CADPS: variants seen among roughly 807,000 people sequenced by gnomAD.
CADPS encodes calcium dependent secretion activator.
In CADPS, 57 loss-of-function variants were observed where a neutral mutation model predicts 167.3. The observed-to-expected ratio is 0.34, with a 90% CI of 0.28 to 0.42. CADPS has a LOEUF of 0.42. Ranked by LOEUF, CADPS falls within the 20% of genes least tolerant of loss-of-function variation. The pLI is 1.00. For missense variants in CADPS, 1,414 were observed against 1,738.1 expected, an observed-to-expected ratio of 0.81 and a Z score of 3.32; for synonymous variants, 676 against 635.3, an observed-to-expected ratio of 1.06 and a Z score of -0.96.
intron 1 of CADPS, among the ~76,000 whole-genome samples, chr3:62,824,379 A>G (rs1014745055): frequency 6.6e-6 from 1 of 152,174 alleles, no homozygotes; most frequent in African/African-American, 2.4e-5. Flanking sequence ...TCTGGAAGTC[A>G]TGTTTTAGGC....
chr3:62,705,010 C>T (rs1165510972), intron 3 of CADPS, among the ~76,000 whole-genome samples: 1 of 152,106 alleles, frequency 6.6e-6, no homozygotes, highest in African/African-American at 2.4e-5. Flanking sequence ...GCCCACCATA[C>T]CTGCACCTTG....
intron 1 of CADPS, among the ~76,000 whole-genome samples, chr3:62,775,924 G>A (rs1319483865): frequency 6.6e-6 from 1 of 152,018 alleles, no homozygotes; most frequent in Non-Finnish European, 1.5e-5. Flanking sequence ...GAAGTACATG[G>A]CCATGACAGA....
intron 1 of CADPS, among the ~76,000 whole-genome samples, chr3:62,824,249 T>A (rs1383441048): frequency 6.6e-6 from 1 of 152,000 alleles, no homozygotes; most frequent in Non-Finnish European, 1.5e-5. Context: ...GCCCAGATAT[T>A]TGATAGAAAA....
In CADPS at chr3:62,566,248, C is replaced by G. The variant is rs555415867; in HGVS notation, c.1644+4624G>C. ...TCTTCTCCCTTCCCCAGAACTCTCA[C>G]GCTTCTGCAAATTGAACCAGGGTGG... On this transcript the variant is annotated intron_variant, in intron 9 of 29. Transcript: ENST00000383710. Among the ~76,000 whole-genome samples the G allele has an allele frequency of 5.1e-4, 77 of 152,332 alleles. 3 individuals carry two copies. In the South Asian group the frequency reaches 0.014, roughly 28 times the overall value.
At chr3:62,587,519 A>G (rs929598396) in intron 7 of CADPS, among the ~76,000 whole-genome samples, 6 of 152,276 alleles carry the variant, frequency 3.9e-5, no homozygotes, top group South Asian at 2.1e-4. Flanking sequence ...GGGAAGCCAG[A>G]AAGGGAGGTG....
At chr3:62,738,749 T>A (rs1360714024) in intron 3 of CADPS, among the ~76,000 whole-genome samples, 2 of 151,996 alleles carry the variant, frequency 1.3e-5, no homozygotes, top group Non-Finnish European at 2.9e-5. Context: ...AAAATAAAAT[T>A]TTAAAAAATG....
At chr3:62,853,031 C>A (rs897439646) in intron 1 of CADPS, among the ~76,000 whole-genome samples, 1 of 152,166 alleles carries the variant, frequency 6.6e-6, no homozygotes. Flanking sequence ...TGAGCTACAG[C>A]CCCTAGAAAG....
intron 3 of CADPS, among the ~76,000 whole-genome samples, chr3:62,746,858 G>C (rs550715097): frequency 6.6e-6 from 1 of 152,094 alleles, no homozygotes; most frequent in Admixed American, 6.5e-5. Context: ...CTTAACAGAC[G>C]ACCTGGCTAA....
intron 1 of CADPS, among the ~76,000 whole-genome samples, chr3:62,814,741 C>T (rs1474657020): frequency 6.6e-6 from 1 of 152,110 alleles, no homozygotes; most frequent in African/African-American, 2.4e-5. Flanking sequence ...GACCATGTTT[C>T]AAATGAAGCT....
At chr3:62,684,115 T>C (rs1050103432) in intron 3 of CADPS, among the ~76,000 whole-genome samples, 2 of 152,086 alleles carry the variant, frequency 1.3e-5, no homozygotes, top group Non-Finnish European at 2.9e-5. Flanking sequence ...GGTGTATCTA[T>C]TTAAGTTATT....
At chr3:62,430,010 C>T (rs1398684857) in intron 28 of CADPS, among the ~76,000 whole-genome samples, 2 of 152,096 alleles carry the variant, frequency 1.3e-5, no homozygotes, top group Non-Finnish European at 2.9e-5. Context: ...CTATGAATGG[C>T]TTTGGAAGGA....
chr3:62,438,054 TTTGGAGGGTCTCCTCC>T lies in CADPS; in HGVS notation c.3777+34_3777+49del, dbSNP rs1560379947. 8.1e-7 allele frequency: 1 copy of T among 1,238,190 alleles called. No homozygotes were observed. Among genetic ancestry groups the T allele is most frequent in the Admixed American group, 1.8e-5 (1 of 56,152 alleles). 76.7% of individuals were successfully genotyped at this position (1,238,190 alleles called of 1,614,324 possible). A position where few individuals can be genotyped will look rare whatever the true frequency, so the allele number is the denominator to read the frequency against. ...CCTCCTGTCTCTTATTTTGTCACAT[TTTGGAGGGTCTCCTCC>T]TTGGTTTTCAAGGAGGAGAAGGCAT... On this transcript the variant is annotated intron_variant, in intron 28 of 29. Transcript: ENST00000383710. The surrounding 1 kb of genome is among the most constrained non-coding windows in gnomAD (Gnocchi z 4.7).
At chr3:62,498,834 C>T (rs1011017027) in intron 18 of CADPS, among the ~76,000 whole-genome samples, 5 of 150,892 alleles carry the variant, frequency 3.3e-5, no homozygotes, top group Non-Finnish European at 5.9e-5. Context: ...ACAAAAACAA[C>T]CACAAAAAAC....
rs2061559000 is a variant in CADPS, at chr3:62,478,208, G to A, written c.3329+53C>T. The stretch of plus-strand genomic sequence containing the variant: ...AGAGCAGCCATCTACCCTTCCCTGA[G>A]TCTGTGTATGGTGGGGAGGGTGTGC... On this transcript the variant is annotated intron_variant, in intron 23 of 29. Coordinates refer to ENST00000383710, the MANE Select transcript of CADPS (RefSeq NM_003716.4). The surrounding 1 kb of genome is among the most constrained non-coding windows in gnomAD (Gnocchi z 5.7). The A allele has an allele frequency of 6.3e-7, 1 of 1,581,780 alleles. No homozygotes were observed. Among genetic ancestry groups the A allele is most frequent in the East Asian group, 2.2e-5 (1 of 44,638 alleles).
chr3:62,773,826 T>C (rs1364436529), intron 1 of CADPS, among the ~76,000 whole-genome samples: 1 of 152,190 alleles, frequency 6.6e-6, no homozygotes, highest in East Asian at 1.9e-4. Flanking sequence ...TTTTAAAAAA[T>C]TTAGGGTAGC....
At position 62,874,554 on chromosome 3, in the gene CADPS, G is replaced by A; in HGVS notation, c.441+35C>T. On this transcript the variant is annotated intron_variant, in intron 1 of 29. Transcript: ENST00000383710. This position sits in a 1 kb window ranked among gnomAD's most constrained non-coding sequence, Gnocchi z 7.1. The stretch of plus-strand genomic sequence containing the variant: ...TCACCCCGCCCGCCTGGCGACGTCC[G>A]GGTGCTGCTCCCTGGGCCTCCCAGG... The A allele has an allele frequency of 1.3e-6, 2 of 1,501,394 alleles. No individual in the cohort carries two copies. The highest frequency in any genetic ancestry group is 1.8e-6 in the Non-Finnish European group (2 of 1,107,942). 93.0% of individuals were successfully genotyped at this position (1,501,394 alleles called of 1,614,324 possible). A position where few individuals can be genotyped will look rare whatever the true frequency, so the allele number is the denominator to read the frequency against.
At chr3:62,437,550 G>A (rs1364438643) in intron 28 of CADPS, among the ~76,000 whole-genome samples, 1 of 152,046 alleles carries the variant, frequency 6.6e-6, no homozygotes, top group African/African-American at 2.4e-5. Context: ...GGGGCGCCAT[G>A]GTTTAAAGCT....
rs199898999 is a variant in CADPS at position 62,594,169 on chromosome 3, A to ATT, written c.1326-1423_1326-1422dup. Among the ~76,000 whole-genome samples, 1,021 of 129,788 alleles carry ATT rather than the reference A, an allele frequency of 7.9e-3. 26 individuals carry two copies. The highest frequency in any genetic ancestry group is 0.015 in the Admixed American group (193 of 12,898). 85.1% of individuals were successfully genotyped at this position (129,788 alleles called of 152,430 possible). ...TTTTTTTTATTTTTTTTATTTATTT[A>ATT]TTTATTTTTTGAGACAGAGTCTCGC... On this transcript the variant is annotated intron_variant, in intron 6 of 29. Coordinates refer to ENST00000383710, the MANE Select transcript of CADPS (RefSeq NM_003716.4).
intron 1 of CADPS, among the ~76,000 whole-genome samples, chr3:62,857,119 A>C (rs1298557285): frequency 1.3e-5 from 2 of 152,144 alleles, no homozygotes; most frequent in East Asian, 1.9e-4. Flanking sequence ...ACTAAAATAG[A>C]AATAGCTCTT....
Sources: gnomAD v4.1 joint callset for allele counts (sites outside exome capture counted in the v4.1 genomes callset) on GRCh38, gnomAD v4.1.1 for gene constraint, Gnocchi (gnomAD v3.1) non-coding constraint, MANE v1.5 for transcripts, NCBI Gene and HGNC (gene_info 2026-07-23, HGNC 2026-07-21) for gene names.